EPHA6: variants seen among roughly 807,000 people sequenced by gnomAD.
EPHA6 encodes the protein EPH receptor A6, also known as ephrin type-A receptor 6.
Under a neutral mutation model 112.0 loss-of-function variants are expected in EPHA6, and 50 were observed. The ratio of observed to expected loss-of-function variants is 0.45; its 90% CI spans 0.36 to 0.56. The LOEUF is 0.56. Ranked by LOEUF, EPHA6 falls within the 20% of genes least tolerant of loss-of-function variation. EPHA6 has a pLI of 0.00. For synonymous variants in EPHA6, 529 were observed against 490.7 expected (o/e 1.08, Z -1.03); for missense variants, 1,280 against 1,417.4 (o/e 0.90, Z 1.56).
intron 6 of EPHA6, among the ~76,000 whole-genome samples, chr3:97,427,301 T>C (rs1396709579): frequency 6.6e-6 from 1 of 152,090 alleles, no homozygotes; most frequent in Non-Finnish European, 1.5e-5. Flanking sequence ...AAATGACCAT[T>C]AATGGTAGAG....
chr3:97,648,216 A>G (rs1311298605), intron 14 of EPHA6: 3 of 677,304 alleles, frequency 4.4e-6, no homozygotes, highest in Admixed American at 2.3e-5. Flanking sequence ...GAGCCTCATT[A>G]TTGACAATAT....
chr3:97,378,051 C>G (rs550677623), intron 5 of EPHA6, among the ~76,000 whole-genome samples: 72 of 152,314 alleles, frequency 4.7e-4, no homozygotes, highest in African/African-American at 1.7e-3. Context: ...TGTCAGAGAC[C>G]TTTGCAGCAG....
intron 3 of EPHA6, among the ~76,000 whole-genome samples, chr3:97,050,095 C>T (rs1252455622): frequency 1.3e-5 from 2 of 152,206 alleles, no homozygotes; most frequent in African/African-American, 2.4e-5. Context: ...CTGCTAATCT[C>T]TCTTTCATTG....
At chr3:97,522,757 T>G (rs2092563480) in intron 10 of EPHA6, among the ~76,000 whole-genome samples, 1 of 152,150 alleles carries the variant, frequency 6.6e-6, no homozygotes, top group Non-Finnish European at 1.5e-5. Context: ...TTTTCTTAAC[T>G]TTGTCCTCGT....
intron 5 of EPHA6, among the ~76,000 whole-genome samples, chr3:97,344,202 C>T (rs151100707): frequency 2.3e-4 from 35 of 152,056 alleles, no homozygotes; most frequent in African/African-American, 7.7e-4. Context: ...GATGCTGGAA[C>T]GAGTTAAGAT....
intron 5 of EPHA6, among the ~76,000 whole-genome samples, chr3:97,390,594 C>T (rs1028376550): frequency 6.6e-6 from 1 of 151,258 alleles, no homozygotes; most frequent in Admixed American, 6.6e-5. Flanking sequence ...TCCCAAAAAG[C>T]AATAGAGATA....
intron 2 of EPHA6, among the ~76,000 whole-genome samples, chr3:96,976,660 T>C (rs1046388668): frequency 1.3e-5 from 2 of 152,152 alleles, no homozygotes; most frequent in Non-Finnish European, 2.9e-5. Context: ...AAGGGAAGCC[T>C]CTACTCCATG....
At chr3:97,639,868 T>C (rs2093985490) in intron 14 of EPHA6, among the ~76,000 whole-genome samples, 1 of 152,156 alleles carries the variant, frequency 6.6e-6, no homozygotes, top group Admixed American at 6.5e-5. Context: ...AAACTGCCTT[T>C]GAAAAGCTGT....
At chr3:97,464,640 G>A (rs9843951) in intron 7 of EPHA6, among the ~76,000 whole-genome samples, 2,425 of 152,038 alleles carry the variant, frequency 0.016, 78 homozygotes, top group African/African-American at 0.055. Context: ...CCCCACCACA[G>A]GATACTGGGA....
chr3:97,344,714 T>G (rs1302590966), intron 5 of EPHA6, among the ~76,000 whole-genome samples: 2 of 152,184 alleles, frequency 1.3e-5, no homozygotes, highest in Non-Finnish European at 2.9e-5. Context: ...GTACGTGATA[T>G]TGTCTGTCTT....
At chr3:97,168,891 T>C (rs1024867679) in intron 3 of EPHA6, among the ~76,000 whole-genome samples, 1 of 152,084 alleles carries the variant, frequency 6.6e-6, no homozygotes, top group African/African-American at 2.4e-5. Flanking sequence ...AAGTAAGTAA[T>C]GGGCAGGGGT....
At chr3:97,536,796 G>C (rs1265675017) in intron 11 of EPHA6, among the ~76,000 whole-genome samples, 1 of 152,114 alleles carries the variant, frequency 6.6e-6, no homozygotes, top group Non-Finnish European at 1.5e-5. Flanking sequence ...GACATCTGCT[G>C]CTCTACCTGG....
At chr3:97,298,323 C>T (rs182784285) in intron 5 of EPHA6, among the ~76,000 whole-genome samples, 74 of 152,268 alleles carry the variant, frequency 4.9e-4, no homozygotes, top group Admixed American at 5.2e-4. Flanking sequence ...AACTTCTACA[C>T]GTCCATCTCA....
chr3:97,078,239 T>C (rs1004993485), intron 3 of EPHA6, among the ~76,000 whole-genome samples: 17 of 152,042 alleles, frequency 1.1e-4, no homozygotes, highest in South Asian at 2.1e-4. Flanking sequence ...TTTGATGTGA[T>C]TGTTTGTTTT....
chr3:97,705,213 T>G (rs1266060477), intron 14 of EPHA6, among the ~76,000 whole-genome samples: 1 of 152,094 alleles, frequency 6.6e-6, no homozygotes, highest in Non-Finnish European at 1.5e-5. Context: ...TCTCTCAGTA[T>G]CTCTAAATCT....
chr3:97,480,131 C>G (rs924228058), intron 9 of EPHA6, among the ~76,000 whole-genome samples: 5 of 151,968 alleles, frequency 3.3e-5, no homozygotes, highest in African/African-American at 1.2e-4. Context: ...TCTATACCAC[C>G]CTCCAGGAAA....
chr3:96,899,441 A>G (rs933988076), intron 2 of EPHA6, among the ~76,000 whole-genome samples: 1 of 152,250 alleles, frequency 6.6e-6, no homozygotes, highest in Admixed American at 6.5e-5. Flanking sequence ...AAAAACTACT[A>G]CAAGTCAGCA....
chr3:97,493,903 T>A (rs1445912696), intron 10 of EPHA6, among the ~76,000 whole-genome samples: 1 of 152,004 alleles, frequency 6.6e-6, no homozygotes, highest in Non-Finnish European at 1.5e-5. Flanking sequence ...GAGCAATAGG[T>A]CTCCCAGAGT....
intron 3 of EPHA6, 62 bp from the exon 4 acceptor site, chr3:97,226,202 A>T: frequency 1.4e-6 from 2 of 1,381,354 alleles, no homozygotes; most frequent in Non-Finnish European, 2.0e-6. Context: ...TATGTTGTAC[A>T]TGTACAAATA....
Sources: allele counts gnomAD v4.1 joint callset (sites outside exome capture counted in the v4.1 genomes callset), GRCh38; gene constraint gnomAD v4.1.1; transcripts MANE v1.5; gene names NCBI Gene and HGNC (gene_info 2026-07-23, HGNC 2026-07-21).